The following TRPM2 variants were observed in gnomAD, a reference collection of about 807,000 sequenced individuals.
TRPM2 encodes transient receptor potential cation channel subfamily M member 2, also known as estrogen-responsive element-associated gene 1 protein.
A neutral mutation model predicts 174.0 loss-of-function variants in TRPM2; 161 were observed. The observed-to-expected ratio is 0.93, with a 90% confidence interval of 0.81 to 1.05. TRPM2 has a LOEUF of 1.05. Ranked by LOEUF, TRPM2 falls within the 50% of genes least tolerant of loss-of-function variation. TRPM2 has a pLI of 0.00. For missense variants in TRPM2, 2,057 were observed against 2,038.0 expected, an observed-to-expected ratio of 1.01 and a Z score of -0.18; for synonymous variants, 954 against 861.3, an observed-to-expected ratio of 1.11 and a Z score of -1.88.
intron 16 of TRPM2, among the ~76,000 whole-genome samples, chr21:44,404,182 CAA>C (rs532367761): frequency 2.3e-4 from 35 of 151,946 alleles, no homozygotes; most frequent in Non-Finnish European, 4.4e-4. Flanking sequence ...CATGCACACA[CAA>C]AAACATGCAA....
Position 44,369,057 on chromosome 21 carries a change from G to C in TRPM2, c.605-120G>C. ...TGCTGGTTTGAAAGCCCCTGAGTGA[G>C]GAGCTCTGCGTTGTTGGGGGCGGGG... On this transcript the variant is annotated intron_variant, in intron 4 of 31. Transcript: ENST00000397928. 4 of 1,100,070 alleles carry C rather than the reference G, an allele frequency of 3.6e-6. No individual in the cohort carries two copies. In the Admixed American group the frequency reaches 1.2e-4, roughly 32 times the overall value. The allele number at this position is 1,100,070 out of a possible 1,614,324, so 68.1% of individuals were successfully genotyped here. A position where few individuals can be genotyped will look rare whatever the true frequency, so the allele number is the denominator to read the frequency against.
intron 2 of TRPM2, among the ~76,000 whole-genome samples, chr21:44,358,907 G>T (rs1249468334): frequency 1.3e-5 from 2 of 152,074 alleles, no homozygotes; most frequent in Non-Finnish European, 2.9e-5. Context: ...GCAGCAGCAA[G>T]ATATATTGTG....
intron 19 of TRPM2, among the ~76,000 whole-genome samples, chr21:44,412,867 C>G (rs934433139): frequency 6.6e-6 from 1 of 151,914 alleles, no homozygotes; most frequent in African/African-American, 2.4e-5. Flanking sequence ...CATCAGAGTG[C>G]GTTTCTATCT....
intron 9 of TRPM2, among the ~76,000 whole-genome samples, chr21:44,388,873 T>C (rs2049092192): frequency 6.6e-6 from 1 of 152,120 alleles, no homozygotes; most frequent in Non-Finnish European, 1.5e-5. Context: ...GTTAAGATGG[T>C]AAATTTTATG....
rs867553137 is a variant in TRPM2 at position 44,391,401 on chromosome 21, G to A, written c.1570G>A (p.Glu524Lys). Residue 524 changes from glutamate (E) to lysine (K), a missense_variant, in exon 11 of 32, where the codon GAG becomes AAG. Coordinates refer to ENST00000397928, the MANE Select transcript of TRPM2 (RefSeq NM_003307.4). This position sits in a 1 kb window ranked among gnomAD's most constrained non-coding sequence, Gnocchi z 5.0. ...VTWDTLLYLY[E>K]NLDPSCLFHS... Reference sequence around the variant, plus strand: ...CTGGGACACCTTGCTCTACCTGTACGAGAACCTGGACCCCTCCTGCCTGTT... The same window carrying A: ...CTGGGACACCTTGCTCTACCTGTACAAGAACCTGGACCCCTCCTGCCTGTT... 4.3e-6 allele frequency: 7 copies of A among 1,613,992 alleles called. No homozygotes were observed. The African/African-American group carries it at 5.3e-5, about 12-fold the overall frequency.
In TRPM2 at chr21:44,399,683, C is replaced by T. The variant is rs1411054273; in HGVS notation, c.2208+242C>T. Among the ~76,000 whole-genome samples, 1 of 152,210 alleles carries T rather than the reference C, an allele frequency of 6.6e-6. No individual in the cohort carries two copies. Among genetic ancestry groups the T allele is most frequent in the African/African-American group, 2.4e-5 (1 of 41,454 alleles). On this transcript the variant is annotated intron_variant, in intron 14 of 31. Coordinates refer to ENST00000397928, the MANE Select transcript of TRPM2 (RefSeq NM_003307.4). The surrounding 1 kb of genome is among the most constrained non-coding windows in gnomAD (Gnocchi z 4.6). ...TGGCCATGGAGATCGCAATTCACCT[C>T]CCCATGGATGTTCCTACCTGGGAGC...
At position 44,438,691 on chromosome 21, in the gene TRPM2, C is replaced by T. The variant is rs1020607218; in HGVS notation, c.4168-376C>T. On this transcript the variant is annotated intron_variant, in intron 29 of 31. Transcript: ENST00000397928. The surrounding 1 kb of genome is among the most constrained non-coding windows in gnomAD (Gnocchi z 5.9). ...ACGGGAATGCAAACAGGGAACCCGC[C>T]GTGGCAGCCTGCTGCACTGGGCGGG... Among the ~76,000 whole-genome samples the T allele has an allele frequency of 5.3e-5, 8 of 152,110 alleles. No individual in the cohort carries two copies. Among genetic ancestry groups the T allele is most frequent in the Admixed American group, 1.3e-4 (2 of 15,282 alleles).
In TRPM2 at chr21:44,409,279, C is replaced by T. The variant is rs112253337; in HGVS notation, c.2962+2514C>T. Among the ~76,000 whole-genome samples the T allele has an allele frequency of 3.3e-3, 510 of 152,248 alleles. 2 individuals are homozygous for T. The highest frequency in any genetic ancestry group is 0.01 in the African/African-American group (436 of 41,554). Reference sequence around the variant, plus strand: ...TTCGCTTTTTGTTTGCCCTGGTGTGCGGTAAGGGTCAGTCTTCGTTGTGGC... The same window carrying T: ...TTCGCTTTTTGTTTGCCCTGGTGTGTGGTAAGGGTCAGTCTTCGTTGTGGC... On this transcript the variant is annotated intron_variant, in intron 19 of 31. Transcript: ENST00000397928.
chr21:44,380,635 G>A (rs1190626007), intron 8 of TRPM2, among the ~76,000 whole-genome samples: 1 of 152,166 alleles, frequency 6.6e-6, no homozygotes, highest in Non-Finnish European at 1.5e-5. Flanking sequence ...ATGCAGCCAG[G>A]GTCAGTGCGC....
rs2051066162 is a variant in TRPM2, at chr21:44,432,638, C to T, written c.3975-2493C>T. 6.6e-6 allele frequency among the ~76,000 whole-genome samples: 1 copy of T among 152,194 alleles called. No homozygotes were observed. The highest frequency in any genetic ancestry group is 1.5e-5 in the Non-Finnish European group (1 of 68,030). On this transcript the variant is annotated intron_variant, in intron 27 of 31. Coordinates refer to ENST00000397928, the MANE Select transcript of TRPM2 (RefSeq NM_003307.4). This position sits in a 1 kb window ranked among gnomAD's most constrained non-coding sequence, Gnocchi z 4.9. The stretch of plus-strand genomic sequence containing the variant: ...TGCCCTCTTGCATTGCTCCTGCCAA[C>T]ATAAACTAAACAAGCCCCTGCCCGC...
At chr21:44,433,338 C>T (rs1352139371) in intron 27 of TRPM2, among the ~76,000 whole-genome samples, 2 of 152,232 alleles carry the variant, frequency 1.3e-5, no homozygotes, top group East Asian at 3.9e-4. Flanking sequence ...ATGCACTGCA[C>T]TCAGCACGAA....
chr21:44,405,948 C>G lies in TRPM2; in HGVS notation c.2701C>G (p.Leu901Val), dbSNP rs757798880. 3.1e-6 allele frequency: 5 copies of G among 1,608,150 alleles called. No individual in the cohort carries two copies. Among genetic ancestry groups the G allele is most frequent in the Non-Finnish European group, 4.2e-6 (5 of 1,179,760 alleles). The stretch of plus-strand genomic sequence containing the variant: ...GTACCCCGGGCGCGTCATCCTCTCT[C>G]TGGACTTCATCCTGTTCTGCCTCCG... ...TLYPGRVILS[L>V]DFILFCLRLM... Residue 901 changes from leucine (L) to valine (V), a missense_variant, in exon 18 of 32, where the codon CTG becomes GTG. Physicochemically the swap from Leu to Val is conservative, Grantham distance 32. Transcript: ENST00000397928.
In TRPM2 at chr21:44,414,039, C is replaced by T. The variant is rs374484201; in HGVS notation, c.3111C>T (p.Asn1037=). The T allele has an allele frequency of 2.4e-4, 387 of 1,613,214 alleles. 1 individual carries two copies. Among genetic ancestry groups the T allele is most frequent in the Admixed American group, 5.5e-4 (33 of 60,000 alleles). Residue 1037 remains asparagine, a synonymous_variant, in exon 20 of 32, where the codon AAC becomes AAT. Transcript: ENST00000397928. The stretch of plus-strand genomic sequence containing the variant: ...TCTGCCTCTACCTGCTCTTCACCAA[C>T]ATCCTGCTGCTCAACCTCCTCATCG... ...LLLCLYLLFT[N]ILLLNLLIAM...
chr21:44,419,756 C>CGGT (rs1569098022), intron 22 of TRPM2, among the ~76,000 whole-genome samples: 5 of 42,084 alleles, frequency 1.2e-4, no homozygotes, highest in Non-Finnish European at 2.2e-4. Flanking sequence ...GTGATGATGG[C>CGGT]AGTGGTGGTG....
intron 9 of TRPM2, among the ~76,000 whole-genome samples, chr21:44,386,640 C>G (rs963614496): frequency 4.0e-5 from 6 of 151,780 alleles, no homozygotes; most frequent in African/African-American, 1.2e-4. Flanking sequence ...GAATTGGAAG[C>G]CTTAATATTG....
intron 15 of TRPM2, among the ~76,000 whole-genome samples, chr21:44,400,725 C>T (rs1258772919): frequency 1.3e-4 from 18 of 143,790 alleles, no homozygotes; most frequent in African/African-American, 3.9e-4. Flanking sequence ...GTCTGGGATG[C>T]GAGCAGCGAG....
chr21:44,351,819 G>A (rs1469728720), upstream of TRPM2, among the ~76,000 whole-genome samples: 2 of 152,224 alleles, frequency 1.3e-5, no homozygotes, highest in Non-Finnish European at 2.9e-5. Context: ...GAGCAGGTCT[G>A]ACCTGCTTCC....
chr21:44,375,199 C>T (rs529127995), intron 5 of TRPM2, among the ~76,000 whole-genome samples: 35 of 152,346 alleles, frequency 2.3e-4, no homozygotes, highest in African/African-American at 6.7e-4. Context: ...CGTGAGCCAC[C>T]GCGCCCGTCT....
At chr21:44,392,331 C>T (rs1238726113) in intron 11 of TRPM2, among the ~76,000 whole-genome samples, 1 of 151,926 alleles carries the variant, frequency 6.6e-6, no homozygotes, top group Non-Finnish European at 1.5e-5. Context: ...AATCATGGCT[C>T]ACCGTACCTT....
Sources: allele counts gnomAD v4.1 joint callset (sites outside exome capture counted in the v4.1 genomes callset), GRCh38; gene constraint gnomAD v4.1.1; non-coding constraint Gnocchi (gnomAD v3.1); transcripts MANE v1.5; gene names NCBI Gene and HGNC (gene_info 2026-07-23, HGNC 2026-07-21).